SGMS1: variants seen among roughly 807,000 people sequenced by gnomAD.
SGMS1 encodes the protein sphingomyelin synthase 1.
SGMS1 carries 13 observed loss-of-function variants against 46.2 expected under a neutral mutation model. The ratio of observed to expected loss-of-function variants is 0.28; its 90% CI spans 0.18 to 0.45. SGMS1 has a LOEUF of 0.45. Among genes scored for constraint, SGMS1 ranks in the 20% least tolerant of loss-of-function variants. The pLI is 1.00. For missense variants in SGMS1, 324 were observed against 519.9 expected, an observed-to-expected ratio of 0.62 and a Z score of 3.66; for synonymous variants, 203 against 187.8, an observed-to-expected ratio of 1.08 and a Z score of -0.66.
At chr10:50,332,345 AAT>A (rs1389975502) in intron 7 of SGMS1, among the ~76,000 whole-genome samples, 3 of 151,984 alleles carry the variant, frequency 2.0e-5, no homozygotes, top group African/African-American at 7.2e-5. Context: ...ATTCCATTCA[AAT>A]GTCATCTCTC....
intron 2 of SGMS1, among the ~76,000 whole-genome samples, chr10:50,533,831 T>C (rs1334036536): frequency 6.6e-6 from 1 of 152,158 alleles, no homozygotes; most frequent in African/African-American, 2.4e-5. Flanking sequence ...AAATGGCTAA[T>C]GAACACATGG....
intron 2 of SGMS1, among the ~76,000 whole-genome samples, chr10:50,561,417 T>C (rs576417673): frequency 6.6e-6 from 1 of 152,328 alleles, no homozygotes; most frequent in Admixed American, 6.5e-5. Context: ...GTCTCTTAAT[T>C]AACCACGAGC....
chr10:50,421,018 T>C (rs1849248398), intron 6 of SGMS1, among the ~76,000 whole-genome samples: 1 of 152,206 alleles, frequency 6.6e-6, no homozygotes, highest in Non-Finnish European at 1.5e-5. Flanking sequence ...TCCTTATGCT[T>C]CAGAAATAAG....
chr10:50,326,582 G>T (rs981745505), intron 8 of SGMS1, among the ~76,000 whole-genome samples: 1 of 152,170 alleles, frequency 6.6e-6, no homozygotes, highest in African/African-American at 2.4e-5. Flanking sequence ...TTATTTCACA[G>T]AGTTCCAACG....
intron 6 of SGMS1, among the ~76,000 whole-genome samples, chr10:50,420,244 T>C (rs1358970618): frequency 6.6e-6 from 1 of 152,244 alleles, no homozygotes; most frequent in East Asian, 1.9e-4. Context: ...AGTTAAATTC[T>C]GGAATCATCT....
intron 2 of SGMS1, among the ~76,000 whole-genome samples, chr10:50,580,000 GA>G (rs1838418343): frequency 1.3e-5 from 2 of 152,190 alleles, no homozygotes; most frequent in African/African-American, 4.8e-5. Context: ...AATTTACATA[GA>G]AGGCTGTTTA....
chr10:50,466,810 T>C (rs984060609), intron 4 of SGMS1, 80 bp downstream of exon 4: 3 of 152,214 alleles, frequency 2.0e-5, no homozygotes, highest in Non-Finnish European at 2.9e-5. Context: ...ACAAAAATTG[T>C]TTGTTTAGAT....
intron 6 of SGMS1, among the ~76,000 whole-genome samples, chr10:50,422,104 C>A (rs1849262927): frequency 6.6e-6 from 1 of 152,126 alleles, no homozygotes; most frequent in African/African-American, 2.4e-5. Context: ...AGATCTTATT[C>A]TTTATACTTC....
intron 7 of SGMS1, among the ~76,000 whole-genome samples, chr10:50,339,036 C>T (rs1195106350): frequency 1.3e-5 from 2 of 152,232 alleles, no homozygotes; most frequent in African/African-American, 2.4e-5. Context: ...CCACGCCCAG[C>T]CTGCAGTGGC....
chr10:50,566,283 C>CT lies in SGMS1; in HGVS notation c.-589+23869dup, dbSNP rs200274635. 1.0e-4 allele frequency among the ~76,000 whole-genome samples: 15 copies of CT among 148,616 alleles called. No individual in the cohort carries two copies. In the East Asian group the frequency reaches 1.2e-3, roughly 12 times the overall value. On this transcript the variant is annotated intron_variant, in intron 2 of 10. Transcript: ENST00000361781. The stretch of plus-strand genomic sequence containing the variant: ...TAAAATTCAATGAGTCTGCCCCACT[C>CT]TTTTTTTTTTAACCTTTAACCTTTG...
At chr10:50,427,044 T>C (rs186465511) in intron 6 of SGMS1, among the ~76,000 whole-genome samples, 84 of 152,290 alleles carry the variant, frequency 5.5e-4, no homozygotes, top group Admixed American at 2.4e-3. Flanking sequence ...ACTAAGAACT[T>C]TGTTGTAATA....
chr10:50,553,189 A>G (rs1262250814), intron 2 of SGMS1, among the ~76,000 whole-genome samples: 1 of 152,258 alleles, frequency 6.6e-6, no homozygotes, highest in Non-Finnish European at 1.5e-5. Context: ...AGCCTTAGTT[A>G]GCAAGGTTTT....
chr10:50,307,303 G>T lies in SGMS1; in HGVS notation c.1081C>A (p.Gln361Lys). The change falls in exon 11 of 11, where the codon CAG (glutamine) becomes AAG (lysine). Residue 361 changes from glutamine (Q) to lysine (K), a missense_variant. Physicochemically the swap from Gln to Lys is moderately conservative, Grantham distance 53 (BLOSUM62 1). Coordinates refer to ENST00000361781, the MANE Select transcript of SGMS1 (RefSeq NM_147156.4). The surrounding 1 kb of genome is among the most constrained non-coding windows in gnomAD (Gnocchi z 4.2). ...ANQQVLKEASQMNLLARVWWY... is the reference protein window; with the variant it reads ...ANQQVLKEASKMNLLARVWWY... ...CACACCCTGGCCAGGAGGTTCATCT[G>T]GGAAGCTTCCTTTAGCACCTAGGAT... 2 of 1,612,858 alleles carry T rather than the reference G, an allele frequency of 1.2e-6. No homozygotes were observed. Among genetic ancestry groups the T allele is most frequent in the Non-Finnish European group, 1.7e-6 (2 of 1,179,404 alleles).
chr10:50,388,592 G>A (rs1297560426), intron 6 of SGMS1, among the ~76,000 whole-genome samples: 2 of 151,646 alleles, frequency 1.3e-5, no homozygotes, highest in Non-Finnish European at 2.9e-5. Flanking sequence ...CAGCCTGGGC[G>A]ACAGAGCGAG....
chr10:50,575,844 A>T (rs1056063765), intron 2 of SGMS1, among the ~76,000 whole-genome samples: 4 of 152,218 alleles, frequency 2.6e-5, no homozygotes, highest in Non-Finnish European at 5.9e-5. Context: ...TACCTTCTGA[A>T]AGGCTTTTTA....
intron 3 of SGMS1, among the ~76,000 whole-genome samples, chr10:50,497,527 T>C (rs1442767273): frequency 6.6e-6 from 1 of 152,180 alleles, no homozygotes; most frequent in Non-Finnish European, 1.5e-5. Flanking sequence ...GCGCGGTGGC[T>C]CACGCCTATA....
rs558699892 is a variant in SGMS1, at chr10:50,592,793, T to C, written c.-683-2546A>G. On this transcript the variant is annotated intron_variant, in intron 1 of 10. Coordinates refer to ENST00000361781, the MANE Select transcript of SGMS1 (RefSeq NM_147156.4). ...GTATCTATAAAACTTTTCATTTAAA[T>C]GGATGGCTGCACTATTACTAAAGAA... Among the ~76,000 whole-genome samples the C allele has an allele frequency of 2.6e-5, 4 of 151,690 alleles. No individual in the cohort carries two copies. The East Asian group carries it at 5.8e-4, about 22-fold the overall frequency.
chr10:50,499,134 C>T (rs1837640306), intron 3 of SGMS1, among the ~76,000 whole-genome samples: 1 of 152,108 alleles, frequency 6.6e-6, no homozygotes, highest in African/African-American at 2.4e-5. Flanking sequence ...TATTCACTTT[C>T]TGAGAGGTAA....
At chr10:50,623,673 G>A in intron 1 of SGMS1, 34 bp downstream of exon 1, 1 of 985,402 alleles carries the variant, frequency 1.0e-6, no homozygotes, top group Non-Finnish European at 1.2e-6. Flanking sequence ...CCGCAACCGT[G>A]AGGCCGGCTG....
Sources: gnomAD v4.1 joint callset for allele counts (sites outside exome capture counted in the v4.1 genomes callset) on GRCh38, gnomAD v4.1.1 for gene constraint, Gnocchi (gnomAD v3.1) non-coding constraint, MANE v1.5 for transcripts, NCBI Gene and HGNC (gene_info 2026-07-23, HGNC 2026-07-21) for gene names.